AAK1: variants seen among roughly 807,000 people sequenced by gnomAD.
AAK1 encodes the protein AP2-associated protein kinase 1.
Under a neutral mutation model 116.0 loss-of-function variants are expected in AAK1, and 37 were observed. The observed-to-expected ratio is 0.32, with a 90% CI of 0.25 to 0.42. AAK1 has a LOEUF of 0.42. AAK1 is among the 10% of genes least tolerant of loss of function. The pLI is 1.00. For missense variants in AAK1, 919 were observed against 1,170.6 expected, an observed-to-expected ratio of 0.79 and a Z score of 3.14; for synonymous variants, 458 against 439.9, an observed-to-expected ratio of 1.04 and a Z score of -0.51.
intron 6 of AAK1, among the ~76,000 whole-genome samples, chr2:69,531,039 A>G (rs2105024613): frequency 1.3e-5 from 2 of 152,244 alleles, no homozygotes; most frequent in East Asian, 3.9e-4. Context: ...TATTTTGTCA[A>G]TTTGTTGTTT....
rs185244836 is a variant in AAK1 at position 69,630,104 on chromosome 2, C to T, written c.163+12774G>A. On this transcript the variant is annotated intron_variant, in intron 2 of 21. Transcript: ENST00000409085. ...AGGCCTGGTGGAAGCAGCAGACCTG[C>T]GGCATTAGCACACAAGCATTTAAAT... Among the ~76,000 whole-genome samples the T allele has an allele frequency of 1.9e-3, 293 of 152,136 alleles. 2 individuals are homozygous for T. Among genetic ancestry groups the T allele is most frequent in the African/African-American group, 6.2e-3 (257 of 41,484 alleles).
At chr2:69,563,330 T>C (rs927692113) in intron 2 of AAK1, among the ~76,000 whole-genome samples, 2 of 152,100 alleles carry the variant, frequency 1.3e-5, no homozygotes, top group African/African-American at 4.8e-5. Context: ...CCAAAGTGAT[T>C]ATCTGAGAAG....
chr2:69,563,949 T>G (rs1671755345), intron 2 of AAK1, among the ~76,000 whole-genome samples: 1 of 152,018 alleles, frequency 6.6e-6, no homozygotes, highest in African/African-American at 2.4e-5. Flanking sequence ...ATCCCAGCAC[T>G]TTGGGAGGCC....
chr2:69,571,796 G>A (rs1348556308), intron 2 of AAK1, among the ~76,000 whole-genome samples: 1 of 152,190 alleles, frequency 6.6e-6, no homozygotes, highest in Non-Finnish European at 1.5e-5. Context: ...CAGAGAAGTG[G>A]ACAGGGGTAC....
Position 69,466,177 on chromosome 2 carries a change from T to C in AAK1, c.*9692A>G. ...GGCTGTGTGAAGGCTTGAAACTGGT[T>C]CTTTCTTCCACCTTGCACTGTCTTT... On this transcript the variant is annotated 3_prime_UTR_variant, in exon 22 of 22. Coordinates refer to ENST00000409085, the MANE Select transcript of AAK1 (RefSeq NM_014911.5). 1 of 1,289,934 alleles carries C rather than the reference T, an allele frequency of 7.8e-7. No homozygotes were observed. Among genetic ancestry groups the C allele is most frequent in the Non-Finnish European group, 1.0e-6 (1 of 988,870 alleles). The allele number at this position is 1,289,934 out of a possible 1,614,324, so 79.9% of individuals were successfully genotyped here. A position where few individuals can be genotyped will look rare whatever the true frequency, so the allele number is the denominator to read the frequency against.
intron 2 of AAK1, among the ~76,000 whole-genome samples, chr2:69,640,187 C>G (rs549574956): frequency 6.6e-6 from 1 of 152,092 alleles, no homozygotes; most frequent in East Asian, 1.9e-4. Context: ...ATTTAATCTT[C>G]ATGACCAGCC....
At position 69,467,361 on chromosome 2, in the gene AAK1, G is replaced by A. The variant is rs987604358; in HGVS notation, c.*8508C>T. 2.0e-6 allele frequency: 2 copies of A among 985,228 alleles called. No homozygotes were observed. Among genetic ancestry groups the A allele is most frequent in the African/African-American group, 3.5e-5 (2 of 57,196 alleles). 61.0% of individuals were successfully genotyped at this position (985,228 alleles called of 1,614,324 possible). On this transcript the variant is annotated 3_prime_UTR_variant, in exon 22 of 22. Transcript: ENST00000409085. ...TTCTATCTAGGTAGAGGTGCCTCAG[G>A]GTGCTCTGGCTTTTAAAATCAAATA...
At chr2:69,579,438 G>C (rs1364794451) in intron 2 of AAK1, among the ~76,000 whole-genome samples, 1 of 152,172 alleles carries the variant, frequency 6.6e-6, no homozygotes, top group Non-Finnish European at 1.5e-5. Context: ...AATTAACTGG[G>C]TGTGGTGGTG....
chr2:69,585,617 T>C lies in AAK1; in HGVS notation c.164-28639A>G, dbSNP rs114665384. 5.2e-3 allele frequency among the ~76,000 whole-genome samples: 785 copies of C among 152,286 alleles called. 3 individuals are homozygous for C. Among genetic ancestry groups the C allele is most frequent in the African/African-American group, 0.018 (753 of 41,556 alleles). ...TCCAAAGTCCTGTATCTCTCCTGCA[T>C]CGTTAAAGGCAGCCTTGAGTTCTAA... On this transcript the variant is annotated intron_variant, in intron 2 of 21. Transcript: ENST00000409085.
intron 2 of AAK1, among the ~76,000 whole-genome samples, chr2:69,572,416 G>A (rs1364868583): frequency 6.6e-6 from 1 of 151,850 alleles, no homozygotes; most frequent in Non-Finnish European, 1.5e-5. Flanking sequence ...TGAGGAATTC[G>A]AGACCAGCCT....
In AAK1 at chr2:69,634,500, A is replaced by G. The variant is rs976590787; in HGVS notation, c.163+8378T>C. 2.0e-5 allele frequency among the ~76,000 whole-genome samples: 3 copies of G among 152,202 alleles called. No individual in the cohort carries two copies. In the South Asian group the frequency reaches 6.2e-4, roughly 32 times the overall value. Reference sequence around the variant, plus strand: ...GCAGCAAGGTTTTACTAAGCATCTCATATGTTCTCTGTCTGAGATGCTATG... The same window carrying G: ...GCAGCAAGGTTTTACTAAGCATCTCGTATGTTCTCTGTCTGAGATGCTATG... On this transcript the variant is annotated intron_variant, in intron 2 of 21. Coordinates refer to ENST00000409085, the MANE Select transcript of AAK1 (RefSeq NM_014911.5).
chr2:69,640,609 A>G (rs1418561972), intron 2 of AAK1, among the ~76,000 whole-genome samples: 1 of 152,238 alleles, frequency 6.6e-6, no homozygotes, highest in Non-Finnish European at 1.5e-5. Flanking sequence ...GGTAGGTGCT[A>G]CATAAATACT....
Position 69,480,913 on chromosome 2 carries a change from G to C in AAK1, c.2516C>G (p.Pro839Arg). The C allele has an allele frequency of 6.2e-7, 1 of 1,607,162 alleles. No individual in the cohort carries two copies. Among genetic ancestry groups the C allele is most frequent in the Non-Finnish European group, 8.5e-7 (1 of 1,177,320 alleles). ...CTGAGATGGGAGGCGCTGGGGAACT[G>C]GGGGCTCCAGTCCTGGTATGAGACT... ...VESLIPGLEP[P>R]VPQRLPSQTE... is the part of the protein sequence containing the mutation. Residue 839 changes from proline (P) to arginine (R), a missense_variant, in exon 19 of 22, where the codon CCA becomes CGA. By Grantham distance (103) the Pro-to-Arg change is moderately radical. This residue lies in a region of AAK1 where 263 missense variants were observed against 285.5 expected (regional missense o/e 0.92). Transcript: ENST00000409085.
intron 16 of AAK1, among the ~76,000 whole-genome samples, chr2:69,501,022 C>T (rs572364024): frequency 3.9e-5 from 6 of 152,040 alleles, no homozygotes; most frequent in Admixed American, 6.6e-5. Context: ...TTCTGGGACT[C>T]AGCAGCAAAG....
chr2:69,608,765 T>G (rs1673926216), intron 2 of AAK1, among the ~76,000 whole-genome samples: 1 of 152,138 alleles, frequency 6.6e-6, no homozygotes, highest in Non-Finnish European at 1.5e-5. Context: ...CAAAAAAACT[T>G]CTTAGAAATA....
intron 2 of AAK1, 130 bp downstream of exon 2, chr2:69,642,748 C>T: frequency 7.7e-7 from 1 of 1,297,276 alleles, no homozygotes; most frequent in Middle Eastern, 1.8e-4. Context: ...GACAATGACT[C>T]ACAGGGCAAG....
chr2:69,590,826 G>T (rs925378035), intron 2 of AAK1, among the ~76,000 whole-genome samples: 2 of 152,124 alleles, frequency 1.3e-5, no homozygotes, highest in Non-Finnish European at 2.9e-5. Flanking sequence ...AATAAATCAC[G>T]AGAGATTTAA....
chr2:69,567,085 T>G (rs1042252169), intron 2 of AAK1, among the ~76,000 whole-genome samples: 4 of 152,206 alleles, frequency 2.6e-5, no homozygotes, highest in Non-Finnish European at 4.4e-5. Flanking sequence ...CTCATACACC[T>G]CCACCTTCCA....
chr2:69,596,171 T>C (rs187732738), intron 2 of AAK1, among the ~76,000 whole-genome samples: 432 of 152,176 alleles, frequency 2.8e-3, no homozygotes, highest in Admixed American at 7.1e-3. Context: ...TTTTCATGCC[T>C]GCTAACACAA....
Sources: allele counts gnomAD v4.1 joint callset (sites outside exome capture counted in the v4.1 genomes callset), GRCh38; gene constraint gnomAD v4.1.1; regional missense constraint gnomAD v4.1.1; transcripts MANE v1.5; gene names NCBI Gene and HGNC (gene_info 2026-07-23, HGNC 2026-07-21).